The following PLEKHM3 variants were observed in gnomAD, a reference collection of about 807,000 sequenced individuals.
PLEKHM3 encodes pleckstrin homology domain-containing family M member 3.
A neutral mutation model predicts 81.8 loss-of-function variants in PLEKHM3; 45 were observed. The observed-to-expected ratio is 0.55, with a 90% CI of 0.43 to 0.71. The LOEUF (loss-of-function observed/expected upper bound fraction) is 0.71. PLEKHM3 is among the 30% of genes least tolerant of loss of function. The pLI is 0.00. For missense variants in PLEKHM3, 788 were observed against 924.3 expected, an observed-to-expected ratio of 0.85 and a Z score of 1.91; for synonymous variants, 352 against 356.4, an observed-to-expected ratio of 0.99 and a Z score of 0.14.
Position 207,858,180 on chromosome 2 carries a change from A to ATATATT in PLEKHM3, c.2108+2924_2108+2925insAATATA, listed in dbSNP as rs751293954. ...TGTGTGTGTGTGTGTGTGTGTATAT[A>ATATATT]TTTTTTTTTTTGAGATGAAGTCTCA... On this transcript the variant is annotated intron_variant, in intron 7 of 7. Coordinates refer to ENST00000427836, the MANE Select transcript of PLEKHM3 (RefSeq NM_001080475.3). 2.0e-3 allele frequency among the ~76,000 whole-genome samples: 205 copies of ATATATT among 103,840 alleles called. 5 individuals carry two copies. The highest frequency in any genetic ancestry group is 9.8e-3 in the Middle Eastern group (2 of 204). The allele number at this position is 103,840 out of a possible 152,430, so 68.1% of individuals were successfully genotyped here. A position where few individuals can be genotyped will look rare whatever the true frequency, so the allele number is the denominator to read the frequency against.
chr2:207,865,801 A>AAAAAAAAAAAAAAATATATATATAT lies in PLEKHM3; in HGVS notation c.1951-4540_1951-4539insATATATATATATTTTTTTTTTTTTT. ...CGACTCAAAAAAAAAAAAAAAAAAAAAGATATATATATATATATATATATA... is the reference window on the plus strand; with the variant it reads ...CGACTCAAAAAAAAAAAAAAAAAAAAAAAAAAAAAAAAAATATATATATATAGATATATATATATATATATATATA... On this transcript the variant is annotated intron_variant, in intron 6 of 7. Coordinates refer to ENST00000427836, the MANE Select transcript of PLEKHM3 (RefSeq NM_001080475.3). Among the ~76,000 whole-genome samples the AAAAAAAAAAAAAAATATATATATAT allele has an allele frequency of 2.0e-4, 5 of 25,298 alleles. 1 individual carries two copies. The highest frequency in any genetic ancestry group is 4.2e-4 in the African/African-American group (2 of 4,792). 16.6% of individuals were successfully genotyped at this position (25,298 alleles called of 152,430 possible). A position where few individuals can be genotyped will look rare whatever the true frequency, so the allele number is the denominator to read the frequency against.
intron 6 of PLEKHM3, among the ~76,000 whole-genome samples, chr2:207,866,511 A>G (rs1041186630): frequency 2.6e-5 from 4 of 152,180 alleles, no homozygotes; most frequent in Admixed American, 6.5e-5. Context: ...TCATAAAATT[A>G]TATTGAGTTA....
chr2:207,935,952 A>C (rs1258836853), intron 4 of PLEKHM3, among the ~76,000 whole-genome samples: 1 of 152,214 alleles, frequency 6.6e-6, no homozygotes, highest in African/African-American at 2.4e-5. Flanking sequence ...TCATTTATAC[A>C]AAAGTTACTT....
At chr2:208,011,956 C>T (rs1692712755) in intron 1 of PLEKHM3, among the ~76,000 whole-genome samples, 1 of 151,878 alleles carries the variant, frequency 6.6e-6, no homozygotes, top group African/African-American at 2.4e-5. Flanking sequence ...GCCACCAGGC[C>T]TGGCTAATCT....
In PLEKHM3 at chr2:207,861,100, T is replaced by G; in HGVS notation, c.2108+5A>C. 1.2e-6 allele frequency: 2 copies of G among 1,611,598 alleles called. No homozygotes were observed. The highest frequency in any genetic ancestry group is 1.7e-6 in the Non-Finnish European group (2 of 1,179,384). Reference sequence around the variant, plus strand: ...TGTTCTTTTATGAAATAAGATATTCTGTACCTGCTTGTTGAAATATCCTCA... The same window carrying G: ...TGTTCTTTTATGAAATAAGATATTCGGTACCTGCTTGTTGAAATATCCTCA... On this transcript the variant is annotated splice_donor_5th_base_variant and intron_variant, in intron 7 of 7. Transcript: ENST00000427836.
At chr2:207,918,834 T>C (rs1471955753) in intron 5 of PLEKHM3, among the ~76,000 whole-genome samples, 1 of 152,224 alleles carries the variant, frequency 6.6e-6, no homozygotes, top group Non-Finnish European at 1.5e-5. Context: ...TGACATTTTG[T>C]AGCTTACATC....
In PLEKHM3 at chr2:208,001,941, C is replaced by T. The variant is rs915042938; in HGVS notation, c.-302G>A. The T allele has an allele frequency of 2.8e-4, 96 of 348,702 alleles. No individual in the cohort carries two copies. Among genetic ancestry groups the T allele is most frequent in the Non-Finnish European group, 1.8e-4 (35 of 190,502 alleles). 21.6% of individuals were successfully genotyped at this position (348,702 alleles called of 1,614,324 possible). A position where few individuals can be genotyped will look rare whatever the true frequency, so the allele number is the denominator to read the frequency against. The stretch of plus-strand genomic sequence containing the variant: ...GCAAGTACTTGTCAAAGCAATGCCA[C>T]GCCAATCCTTGATTTCCTGGAAGAA... On this transcript the variant is annotated 5_prime_UTR_variant, in exon 2 of 8. It adds an upstream start codon to the 5' untranslated region. Coordinates refer to ENST00000427836, the MANE Select transcript of PLEKHM3 (RefSeq NM_001080475.3).
At chr2:207,992,018 C>T (rs561458871) in intron 2 of PLEKHM3, among the ~76,000 whole-genome samples, 17 of 152,336 alleles carry the variant, frequency 1.1e-4, no homozygotes, top group African/African-American at 3.6e-4. Flanking sequence ...TGACTGAACA[C>T]ATTTGGAAAG....
rs763605973 is a variant in PLEKHM3 at position 207,908,518 on chromosome 2, T to C, written c.1946A>G (p.Gln649Arg). Reference protein sequence around the residue: ...QIHLYSLADLQQVIEGKLAPF... With the variant: ...QIHLYSLADLRQVIEGKLAPF... The stretch of plus-strand genomic sequence containing the variant: ...ACAGCCCCTCTGAGCACTTACCTGC[T>C]GCAGGTCGGCAAGTGAATACAGGTG... The change falls in exon 6 of 8, where the codon CAG becomes CGG. Residue 649 changes from glutamine to arginine, a missense_variant. Physicochemically the swap from Gln to Arg is conservative, Grantham distance 43. Transcript: ENST00000427836. The C allele has an allele frequency of 3.1e-6, 5 of 1,611,204 alleles. No individual in the cohort carries two copies. In the African/African-American group the frequency reaches 6.7e-5, roughly 22 times the overall value.
intron 4 of PLEKHM3, among the ~76,000 whole-genome samples, chr2:207,939,907 C>T (rs374142213): frequency 3.4e-4 from 51 of 152,220 alleles, no homozygotes; most frequent in African/African-American, 1.2e-3. Flanking sequence ...TTGCTAATTG[C>T]TTAGGCAGCG....
chr2:207,964,737 G>T (rs192153235), intron 3 of PLEKHM3, among the ~76,000 whole-genome samples: 8 of 152,282 alleles, frequency 5.3e-5, no homozygotes, highest in South Asian at 2.1e-4. Flanking sequence ...TGAAAAAAGG[G>T]AGGGAGTTTC....
intron 6 of PLEKHM3, among the ~76,000 whole-genome samples, chr2:207,877,088 C>T (rs1283792892): frequency 1.3e-5 from 2 of 151,846 alleles, no homozygotes; most frequent in Non-Finnish European, 2.9e-5. Flanking sequence ...AGACTTGGCC[C>T]GAAGAAGGAA....
rs56020499 is a variant in PLEKHM3, at chr2:207,904,780, G to T, written c.1950+3734C>A. On this transcript the variant is annotated intron_variant, in intron 6 of 7. Transcript: ENST00000427836. ...CTGTCTTGAATGTAACAAAAGCAGC[G>T]GTAAGGTAGCTTGAAATCTTCAGCC... 3.6e-3 allele frequency among the ~76,000 whole-genome samples: 545 copies of T among 152,222 alleles called. 1 individual carries two copies. The highest frequency in any genetic ancestry group is 6.2e-3 in the Non-Finnish European group (419 of 68,000).
At position 208,001,579 on chromosome 2, in the gene PLEKHM3, T is replaced by C. The variant is rs1692307440; in HGVS notation, c.61A>G (p.Ser21Gly). 1.2e-6 allele frequency: 2 copies of C among 1,614,194 alleles called. No homozygotes were observed. Among genetic ancestry groups the C allele is most frequent in the East Asian group, 4.5e-5 (2 of 44,880 alleles). ...PALEVTEEFF[S>G]TLDSNLEKAV... ...TTTTCTAGATTACTATCCAAAGTACTAAAGAATTCCTCCGTAACTTCTAAG... is the reference window on the plus strand; with the variant it reads ...TTTTCTAGATTACTATCCAAAGTACCAAAGAATTCCTCCGTAACTTCTAAG... Residue 21 changes from serine to glycine, a missense_variant, in exon 2 of 8, where the codon AGT becomes GGT. Coordinates refer to ENST00000427836, the MANE Select transcript of PLEKHM3 (RefSeq NM_001080475.3).
At chr2:207,902,359 T>C (rs1688459293) in intron 6 of PLEKHM3, among the ~76,000 whole-genome samples, 2 of 152,192 alleles carry the variant, frequency 1.3e-5, no homozygotes, top group South Asian at 4.1e-4. Context: ...TGAAGAAGAA[T>C]TCAGTAAAGT....
intron 6 of PLEKHM3, among the ~76,000 whole-genome samples, chr2:207,894,527 G>A (rs967518620): frequency 5.8e-5 from 8 of 138,572 alleles, no homozygotes; most frequent in Non-Finnish European, 1.1e-4. Context: ...CTTCCAACCA[G>A]TGGAAAGACA....
chr2:207,986,828 T>A (rs1691738697), intron 2 of PLEKHM3, among the ~76,000 whole-genome samples: 1 of 150,604 alleles, frequency 6.6e-6, no homozygotes, highest in Admixed American at 6.6e-5. Flanking sequence ...GTGCCAACCA[T>A]GCCCAGCTAA....
chr2:207,846,177 C>T (rs757567855), intron 7 of PLEKHM3, among the ~76,000 whole-genome samples: 1 of 152,122 alleles, frequency 6.6e-6, no homozygotes, highest in Admixed American at 6.6e-5. Flanking sequence ...GGGTCTTGCT[C>T]TGTCGCCCAG....
intron 7 of PLEKHM3, among the ~76,000 whole-genome samples, chr2:207,828,875 G>A (rs1277561502): frequency 4.6e-5 from 7 of 152,084 alleles, no homozygotes; most frequent in Admixed American, 4.6e-4. Flanking sequence ...AAAACGCTCG[G>A]CACACCAGTG....
Sources: gnomAD v4.1 joint callset for allele counts (sites outside exome capture counted in the v4.1 genomes callset) on GRCh38, gnomAD v4.1.1 for gene constraint, MANE v1.5 for transcripts, NCBI Gene and HGNC (gene_info 2026-07-23, HGNC 2026-07-21) for gene names.